Variants in KCNQ3 observed in about 807,000 individuals in gnomAD.
KCNQ3 encodes potassium voltage-gated channel subfamily Q member 3, also known as potassium voltage-gated channel subfamily KQT member 3.
Under a neutral mutation model 92.5 loss-of-function variants are expected in KCNQ3, and 30 were observed. The observed-to-expected ratio is 0.32, with a 90% CI of 0.24 to 0.44. The LOEUF is 0.44. Ranked by LOEUF, KCNQ3 falls within the 20% of genes least tolerant of loss-of-function variation. The pLI is 1.00. For synonymous variants in KCNQ3, 450 were observed against 468.8 expected (o/e 0.96, Z 0.52); for missense variants, 913 against 1,140.3 (o/e 0.80, Z 2.87).
Position 132,396,696 on chromosome 8 carries a change from C to T in KCNQ3, c.386+83451G>A, listed in dbSNP as rs978177494. Among the ~76,000 whole-genome samples, 8 of 152,152 alleles carry T rather than the reference C, an allele frequency of 5.3e-5. No homozygotes were observed. The East Asian group carries it at 1.3e-3, about 26-fold the overall frequency. On this transcript the variant is annotated intron_variant, in intron 1 of 14. Transcript: ENST00000388996. ...CTAGTGAGTTAATCAAACACAAACC[C>T]AGGGACTGCTCTGAAGGGATTCTGC...
In KCNQ3 at chr8:132,447,160, C is replaced by T. The variant is rs1366589054; in HGVS notation, c.386+32987G>A. 20 of 1,503,718 alleles carry T rather than the reference C, an allele frequency of 1.3e-5. No homozygotes were observed. In the Admixed American group the frequency reaches 2.6e-4, roughly 19 times the overall value. 93.1% of individuals were successfully genotyped at this position (1,503,718 alleles called of 1,614,324 possible). ...GGGACTCTGAGTCCATCTTAGGATG[C>T]TCTGTTTTCATATCCCCAAAATGAG... On this transcript the variant is annotated intron_variant, in intron 1 of 14. Coordinates refer to ENST00000388996, the MANE Select transcript of KCNQ3 (RefSeq NM_004519.4).
At chr8:132,451,407 C>A (rs533921316) in intron 1 of KCNQ3, among the ~76,000 whole-genome samples, 2 of 152,336 alleles carry the variant, frequency 1.3e-5, no homozygotes, top group Admixed American at 6.5e-5. Flanking sequence ...TTTGGGAAGA[C>A]TTTCTTAATG....
intron 1 of KCNQ3, among the ~76,000 whole-genome samples, chr8:132,343,263 CTG>C (rs1194421456): frequency 6.6e-6 from 1 of 152,252 alleles, no homozygotes; most frequent in African/African-American, 2.4e-5. Context: ...TGAGAGTACA[CTG>C]TGTTCCAGAC....
chr8:132,344,662 C>T (rs1818628211), intron 1 of KCNQ3, among the ~76,000 whole-genome samples: 1 of 152,174 alleles, frequency 6.6e-6, no homozygotes. Context: ...GAAAATAGGG[C>T]AAGTAGCTTT....
In KCNQ3 at chr8:132,125,302, A is replaced by G. The variant is rs969697048; in HGVS notation, c.*3960T>C. The G allele has an allele frequency of 1.3e-5, 2 of 152,122 alleles. No individual in the cohort carries two copies. Among genetic ancestry groups the G allele is most frequent in the Non-Finnish European group, 2.9e-5 (2 of 68,020 alleles). 9.4% of individuals were successfully genotyped at this position (152,122 alleles called of 1,614,324 possible). On this transcript the variant is annotated 3_prime_UTR_variant, in exon 15 of 15. Transcript: ENST00000388996. ...ATGTAGAACCTTTGCTCTCATTTTC[A>G]TGTTCAATTTTCTATAGTTTCCAAG... is the stretch of plus-strand genomic sequence containing the variant.
In KCNQ3 at chr8:132,127,120, C is replaced by T. The variant is rs1475655312; in HGVS notation, c.*2142G>A. Reference sequence around the variant, plus strand: ...ATAGGGTTTCTTAGGTTGTAATCCCCACTGGCACTTTCAGCCATATTGAAG... The same window carrying T: ...ATAGGGTTTCTTAGGTTGTAATCCCTACTGGCACTTTCAGCCATATTGAAG... On this transcript the variant is annotated 3_prime_UTR_variant, in exon 15 of 15. Transcript: ENST00000388996. 1 of 152,164 alleles carries T rather than the reference C, an allele frequency of 6.6e-6. No homozygotes were observed. Among genetic ancestry groups the T allele is most frequent in the Non-Finnish European group, 1.5e-5 (1 of 68,044 alleles). The allele number at this position is 152,164 out of a possible 1,614,324, so 9.4% of individuals were successfully genotyped here. A position where few individuals can be genotyped will look rare whatever the true frequency, so the allele number is the denominator to read the frequency against.
intron 7 of KCNQ3, among the ~76,000 whole-genome samples, chr8:132,172,397 T>TACACACACACACACACACAC (rs35831322): frequency 7.1e-6 from 1 of 140,392 alleles, no homozygotes; most frequent in Non-Finnish European, 1.6e-5. Flanking sequence ...GGCACATTAA[T>TACACACACACACACACACAC]ACACACACAC....
chr8:132,136,616 G>A (rs1825103673), intron 12 of KCNQ3, among the ~76,000 whole-genome samples: 1 of 152,082 alleles, frequency 6.6e-6, no homozygotes, highest in South Asian at 2.1e-4. Context: ...CAAGTGTTTA[G>A]AATCATATCA....
chr8:132,334,528 C>G (rs1818313697), intron 1 of KCNQ3, among the ~76,000 whole-genome samples: 2 of 152,174 alleles, frequency 1.3e-5, no homozygotes, highest in African/African-American at 4.8e-5. Flanking sequence ...AGAAGACAAC[C>G]TTTCTATGGC....
chr8:132,134,482 G>A (rs1213467416), intron 12 of KCNQ3, 94 bp from the exon 13 acceptor site: 1 of 859,200 alleles, frequency 1.2e-6, no homozygotes, highest in Non-Finnish European at 1.9e-6. Context: ...TGAGATAAGG[G>A]TTTGGAATAT....
intron 1 of KCNQ3, among the ~76,000 whole-genome samples, chr8:132,321,205 C>G (rs535811299): frequency 6.6e-6 from 1 of 152,174 alleles, no homozygotes; most frequent in East Asian, 1.9e-4. Flanking sequence ...CTCATGATGC[C>G]CAATCATAAG....
intron 1 of KCNQ3, among the ~76,000 whole-genome samples, chr8:132,205,852 G>T (rs1049369391): frequency 2.0e-5 from 3 of 152,098 alleles, no homozygotes; most frequent in African/African-American, 7.2e-5. Context: ...GAAGACCAGG[G>T]CAGGAAATAT....
intron 1 of KCNQ3, among the ~76,000 whole-genome samples, chr8:132,449,980 T>G (rs1563916517): frequency 6.6e-6 from 1 of 152,154 alleles, no homozygotes. Context: ...TTCCACTGGG[T>G]TCACAGTCTT....
chr8:132,164,306 G>T (rs748291571), intron 8 of KCNQ3, among the ~76,000 whole-genome samples: 1 of 150,626 alleles, frequency 6.6e-6, no homozygotes, highest in South Asian at 2.1e-4. Context: ...TCATTATTAC[G>T]TGGATCACAT....
At chr8:132,358,247 C>T (rs1215422251) in intron 1 of KCNQ3, among the ~76,000 whole-genome samples, 1 of 152,192 alleles carries the variant, frequency 6.6e-6, no homozygotes, top group Non-Finnish European at 1.5e-5. Flanking sequence ...GTGGGAGGAG[C>T]TGAATTAGAG....
chr8:132,447,669 C>T (rs557713134), intron 1 of KCNQ3, among the ~76,000 whole-genome samples: 6 of 152,294 alleles, frequency 3.9e-5, no homozygotes, highest in Admixed American at 1.3e-4. Flanking sequence ...GACAGCGCCA[C>T]GAGCGCATGA....
chr8:132,436,335 G>A (rs1055937961), intron 1 of KCNQ3, among the ~76,000 whole-genome samples: 6 of 152,064 alleles, frequency 3.9e-5, no homozygotes, highest in Non-Finnish European at 8.8e-5. Flanking sequence ...TTTTTAACTT[G>A]ATCATATAAA....
In KCNQ3 at chr8:132,412,502, A is replaced by G. The variant is rs558548734; in HGVS notation, c.386+67645T>C. Among the ~76,000 whole-genome samples, 198 of 152,358 alleles carry G rather than the reference A, an allele frequency of 1.3e-3. 4 individuals carry two copies. The highest frequency in any genetic ancestry group is 4.6e-3 in the African/African-American group (190 of 41,586). On this transcript the variant is annotated intron_variant, in intron 1 of 14. Transcript: ENST00000388996. ...AGCCAGGACCTCAGGGCTCTGGGTG[A>G]AATGTTTTAAACAGGAAACAGAAAT...
chr8:132,129,040 A>G lies in KCNQ3; in HGVS notation c.*222T>C. On this transcript the variant is annotated 3_prime_UTR_variant, in exon 15 of 15. Transcript: ENST00000388996. This position sits in a 1 kb window ranked among gnomAD's most constrained non-coding sequence, Gnocchi z 5.9. ...AGAAGAGATTAGCGGAACCATTTAT[A>G]TAGTGTAAAGTCATGCAAACCATGC... The G allele has an allele frequency of 1.7e-6, 1 of 592,932 alleles. No homozygotes were observed. Among genetic ancestry groups the G allele is most frequent in the Non-Finnish European group, 3.0e-6 (1 of 333,616 alleles). 36.7% of individuals were successfully genotyped at this position (592,932 alleles called of 1,614,324 possible).
Sources: gnomAD v4.1 joint callset for allele counts (sites outside exome capture counted in the v4.1 genomes callset) on GRCh38, gnomAD v4.1.1 for gene constraint, Gnocchi (gnomAD v3.1) non-coding constraint, MANE v1.5 for transcripts, NCBI Gene and HGNC (gene_info 2026-07-23, HGNC 2026-07-21) for gene names.